KCND2: variants seen among roughly 807,000 people sequenced by gnomAD.
The protein encoded by KCND2 is potassium voltage-gated channel subfamily D member 2, also known as A-type voltage-gated potassium channel KCND2.
A neutral mutation model predicts 54.4 loss-of-function variants in KCND2; 16 were observed. That is an observed-to-expected ratio of 0.29 (90% CI 0.20 to 0.45). KCND2 has a LOEUF of 0.45. Ranked by LOEUF, KCND2 falls within the 20% of genes least tolerant of loss-of-function variation. The pLI is 1.00. For missense variants in KCND2, 486 were observed against 824.2 expected (o/e 0.59, Z 5.02); for synonymous variants, 317 against 310.7 (o/e 1.02, Z -0.21).
chr7:120,657,531 C>T (rs149125250), intron 1 of KCND2, among the ~76,000 whole-genome samples: 1 of 152,144 alleles, frequency 6.6e-6, no homozygotes, highest in East Asian at 1.9e-4. Flanking sequence ...GTGAAATAGC[C>T]TTATCCGTAG....
chr7:120,377,005 A>G (rs553145258), intron 1 of KCND2, among the ~76,000 whole-genome samples: 26 of 152,020 alleles, frequency 1.7e-4, no homozygotes, highest in South Asian at 1.5e-3. Context: ...GAATGTTTTC[A>G]AATTGCAATT....
intron 1 of KCND2, among the ~76,000 whole-genome samples, chr7:120,369,201 CAA>C (rs1041257855): frequency 6.6e-6 from 1 of 151,656 alleles, no homozygotes; most frequent in African/African-American, 2.4e-5. Context: ...AGGATCATCT[CAA>C]AGTGTCAAAA....
chr7:120,492,193 A>G (rs1406445329), intron 1 of KCND2, among the ~76,000 whole-genome samples: 2 of 151,846 alleles, frequency 1.3e-5, no homozygotes, highest in African/African-American at 4.8e-5. Context: ...AAAGTGAAAC[A>G]CACACACACA....
At chr7:120,709,498 AC>A (rs1321094251) in intron 1 of KCND2, among the ~76,000 whole-genome samples, 19 of 152,292 alleles carry the variant, frequency 1.2e-4, no homozygotes, top group African/African-American at 4.3e-4. Context: ...AACATTTTCT[AC>A]CTTCAGCTTG....
intron 1 of KCND2, among the ~76,000 whole-genome samples, chr7:120,507,537 A>C (rs1480460382): frequency 6.6e-6 from 1 of 151,960 alleles, no homozygotes; most frequent in African/African-American, 2.4e-5. Flanking sequence ...TTCCTTATGG[A>C]ATGTGAACAT....
rs139206302 is a variant in KCND2, at chr7:120,316,465, A to T, written c.1115+40718A>T. Among the ~76,000 whole-genome samples the T allele has an allele frequency of 4.5e-4, 69 of 152,322 alleles. 1 individual carries two copies. The highest frequency in any genetic ancestry group is 1.6e-3 in the African/African-American group (66 of 41,580). ...ATTTAAATCAAAACTCATTTGTGAA[A>T]TAACTCATTTCTCCTAGACTTTTGA... On this transcript the variant is annotated intron_variant, in intron 1 of 5. Coordinates refer to ENST00000331113, the MANE Select transcript of KCND2 (RefSeq NM_012281.3).
chr7:120,335,937 C>T (rs1800145683), intron 1 of KCND2, among the ~76,000 whole-genome samples: 1 of 152,164 alleles, frequency 6.6e-6, no homozygotes, highest in South Asian at 2.1e-4. Context: ...CTAGTATGCT[C>T]AAATACTTAA....
chr7:120,558,226 A>C (rs751536873), intron 1 of KCND2, among the ~76,000 whole-genome samples: 1 of 152,204 alleles, frequency 6.6e-6, no homozygotes, highest in Admixed American at 6.5e-5. Context: ...TATAAGGTAA[A>C]GTTTTATTTC....
At chr7:120,610,156 T>C (rs1193417545) in intron 1 of KCND2, among the ~76,000 whole-genome samples, 1 of 152,128 alleles carries the variant, frequency 6.6e-6, no homozygotes, top group African/African-American at 2.4e-5. Context: ...TGTCCGATTT[T>C]ATTGCCCTTA....
chr7:120,609,530 T>C (rs1792925144), intron 1 of KCND2, among the ~76,000 whole-genome samples: 2 of 152,164 alleles, frequency 1.3e-5, no homozygotes, highest in South Asian at 4.1e-4. Context: ...TCTCCCGTAA[T>C]TGCTATGCTG....
chr7:120,503,019 T>G (rs1802958970), intron 1 of KCND2, among the ~76,000 whole-genome samples: 1 of 152,118 alleles, frequency 6.6e-6, no homozygotes, highest in African/African-American at 2.4e-5. Flanking sequence ...TTTACCCAGT[T>G]TGAAGTACTT....
chr7:120,277,303 A>G (rs1421817619), intron 1 of KCND2, among the ~76,000 whole-genome samples: 1 of 152,092 alleles, frequency 6.6e-6, no homozygotes, highest in East Asian at 1.9e-4. Context: ...TTATAAGGAT[A>G]AGGATGATGC....
intron 1 of KCND2, among the ~76,000 whole-genome samples, chr7:120,594,197 T>C (rs1043001712): frequency 6.6e-6 from 1 of 152,182 alleles, no homozygotes; most frequent in Non-Finnish European, 1.5e-5. Context: ...GTTTTAAGAG[T>C]AGATTTCATG....
intron 1 of KCND2, among the ~76,000 whole-genome samples, chr7:120,442,312 G>T (rs1294242958): frequency 6.6e-6 from 1 of 152,054 alleles, no homozygotes; most frequent in Non-Finnish European, 1.5e-5. Context: ...TAAGAACATT[G>T]GTTGTGAATG....
chr7:120,498,504 G>T (rs576503371), intron 1 of KCND2, among the ~76,000 whole-genome samples: 19 of 151,894 alleles, frequency 1.3e-4, no homozygotes, highest in Non-Finnish European at 2.4e-4. Flanking sequence ...ACTGGGCGTG[G>T]TGGCTCACGC....
chr7:120,471,837 G>A (rs547304639), intron 1 of KCND2, among the ~76,000 whole-genome samples: 10 of 152,026 alleles, frequency 6.6e-5, no homozygotes, highest in Admixed American at 6.6e-4. Flanking sequence ...GGAGCAAACT[G>A]TAACCATATG....
intron 1 of KCND2, among the ~76,000 whole-genome samples, chr7:120,524,527 A>G (rs531362908): frequency 9.2e-5 from 14 of 152,318 alleles, no homozygotes; most frequent in Admixed American, 6.5e-4. Flanking sequence ...TTCATTTTCC[A>G]TAATTACCAT....
chr7:120,535,920 A>G (rs1791901057), intron 1 of KCND2, among the ~76,000 whole-genome samples: 1 of 152,148 alleles, frequency 6.6e-6, no homozygotes, highest in African/African-American at 2.4e-5. Context: ...GGGGGTAGGC[A>G]GCTGCAAGAT....
chr7:120,661,190 C>T (rs1029311430), intron 1 of KCND2, among the ~76,000 whole-genome samples: 2 of 152,160 alleles, frequency 1.3e-5, no homozygotes, highest in Non-Finnish European at 2.9e-5. Flanking sequence ...TGTATTGCTC[C>T]TGGAAGCTGA....
Sources: gnomAD v4.1 joint callset for allele counts (sites outside exome capture counted in the v4.1 genomes callset) on GRCh38, gnomAD v4.1.1 for gene constraint, MANE v1.5 for transcripts, NCBI Gene and HGNC (gene_info 2026-07-23, HGNC 2026-07-21) for gene names.